TTLL4: variants seen among roughly 807,000 people sequenced by gnomAD.
The protein encoded by TTLL4 is tubulin tyrosine ligase like 4.
Under a neutral mutation model 122.7 loss-of-function variants are expected in TTLL4, and 85 were observed. The observed-to-expected ratio is 0.69, with a 90% CI of 0.58 to 0.83. The LOEUF (loss-of-function observed/expected upper bound fraction) is 0.83, where lower values mean the gene tolerates loss of function less well. Ranked by LOEUF, TTLL4 falls within the 40% of genes least tolerant of loss-of-function variation. The pLI is 0.00. For synonymous variants in TTLL4, 553 were observed against 563.0 expected (o/e 0.98, Z 0.25); for missense variants, 1,363 against 1,488.6 (o/e 0.92, Z 1.39).
chr2:218,729,106 A>G (rs760508875), intron 2 of TTLL4, among the ~76,000 whole-genome samples: 2 of 151,492 alleles, frequency 1.3e-5, no homozygotes, highest in Non-Finnish European at 2.9e-5. Context: ...TTAATTTTTT[A>G]TATTTTTAGT....
Position 218,737,831 on chromosome 2 carries a change from T to C in TTLL4, c.155T>C (p.Ile52Thr). 6.2e-7 allele frequency: 1 copy of C among 1,614,108 alleles called. No homozygotes were observed. Residue 52 changes from isoleucine to threonine, a missense_variant, in exon 3 of 20, where the codon ATC becomes ACC. Transcript: ENST00000392102. ...WPQAHQQVKP[I>T]WKLEKKQVET... ...CAGGCCCATCAGCAAGTGAAGCCAA[T>C]CTGGAAGCTGGAAAAGAAGCAAGTG...
chr2:218,722,367 T>C (rs1942069377), intron 1 of TTLL4, among the ~76,000 whole-genome samples: 1 of 151,730 alleles, frequency 6.6e-6, no homozygotes, highest in Non-Finnish European at 1.5e-5. Context: ...TTTTTTTTTT[T>C]TGAGCCAAGT....
rs1371265843 is a variant in TTLL4, at chr2:218,737,703, T to A, written c.27T>A (p.Tyr9Ter). The A allele has an allele frequency of 6.2e-7, 1 of 1,610,582 alleles. No individual in the cohort carries two copies. The highest frequency in any genetic ancestry group is 1.3e-5 in the African/African-American group (1 of 74,870). Residue 9 changes from tyrosine to a stop codon, truncating the protein, a stop_gained, in exon 3 of 20, where the codon TAT becomes TAA. Transcript: ENST00000392102. LOFTEE classifies it high-confidence loss of function. ...TGGCCTCAGCAGGAACACAGCACTATAGTATTGGCCTCCGCCAGAAAAACA... is the reference window on the plus strand; with the variant it reads ...TGGCCTCAGCAGGAACACAGCACTAAAGTATTGGCCTCCGCCAGAAAAACA... MASAGTQH[Y>*]SIGLRQKNSF... is the part of the protein sequence containing the mutation.
chr2:218,746,238 G>T lies in TTLL4; in HGVS notation c.1974+7G>T. 6.2e-7 allele frequency: 1 copy of T among 1,613,924 alleles called. No individual in the cohort carries two copies. The highest frequency in any genetic ancestry group is 8.5e-7 in the Non-Finnish European group (1 of 1,179,934). ...CATTCGAGAGCATCAGAAGGTAGGG[G>T]TCCTTTCTGAGGAGCTGTTTCCCTG... On this transcript the variant is annotated splice_region_variant and intron_variant, in intron 8 of 19. Transcript: ENST00000392102.
In TTLL4 at chr2:218,754,264, A is replaced by G; in HGVS notation, c.3475A>G (p.Ser1159Gly). 1 of 1,614,216 alleles carries G rather than the reference A, an allele frequency of 6.2e-7. No homozygotes were observed. The highest frequency in any genetic ancestry group is 8.5e-7 in the Non-Finnish European group (1 of 1,180,038). The change falls in exon 20 of 20, where the codon AGC becomes GGC. Residue 1159 changes from serine (S) to glycine (G), a missense_variant. Ser to Gly is a moderately conservative substitution (Grantham distance 56). This residue lies in a region of TTLL4 where 596 missense variants were observed against 655.8 expected (regional missense o/e 0.91). Transcript: ENST00000392102. ...TTCCTCAAAGGACAGTGAGGACACC[A>G]GCAAAGAGCCCAGCCTTTCTACCCA... ...PSSSKDSEDT[S>G]KEPSLSTQTL...
chr2:218,715,586 A>T (rs559963154), intron 1 of TTLL4, among the ~76,000 whole-genome samples: 3 of 152,148 alleles, frequency 2.0e-5, no homozygotes, highest in Admixed American at 6.6e-5. Flanking sequence ...GCATCTAAAC[A>T]TTGAAGCATA....
At chr2:218,713,098 A>G (rs1941760627) in intron 1 of TTLL4, among the ~76,000 whole-genome samples, 1 of 152,104 alleles carries the variant, frequency 6.6e-6, no homozygotes, top group Non-Finnish European at 1.5e-5. Context: ...CTATTTTAAG[A>G]CTGGGTGTTG....
chr2:218,727,381 T>A (rs1240631451), intron 2 of TTLL4, 34 bp downstream of exon 2: 1 of 152,178 alleles, frequency 6.6e-6, no homozygotes, highest in Non-Finnish European at 1.5e-5. Flanking sequence ...CTAAGATTTG[T>A]TTTAAAAATT....
rs576450795 is a variant in TTLL4 at position 218,713,708 on chromosome 2, A to G, written c.-178+2671A>G. Among the ~76,000 whole-genome samples the G allele has an allele frequency of 2.0e-5, 3 of 152,342 alleles. No homozygotes were observed. The South Asian group carries it at 6.2e-4, about 32-fold the overall frequency. On this transcript the variant is annotated intron_variant, in intron 1 of 19. Coordinates refer to ENST00000392102, the MANE Select transcript of TTLL4 (RefSeq NM_014640.5). ...ATAATTATCAGGAAAATCATGTCAG[A>G]TTTGTATTTAAGATTACTGTAGTGT...
chr2:218,747,511 A>G lies in TTLL4; in HGVS notation c.2250-86A>G. ...CTGTTCTAAGGTCTTTATCTTGGGG[A>G]CTGTTAGCTGGCTTTTCCTGTGGCT... is the stretch of plus-strand genomic sequence containing the variant. On this transcript the variant is annotated intron_variant, in intron 10 of 19. Coordinates refer to ENST00000392102, the MANE Select transcript of TTLL4 (RefSeq NM_014640.5). This position sits in a 1 kb window ranked among gnomAD's most constrained non-coding sequence, Gnocchi z 4.7. The G allele has an allele frequency of 6.3e-7, 1 of 1,579,888 alleles. No individual in the cohort carries two copies. The highest frequency in any genetic ancestry group is 8.6e-7 in the Non-Finnish European group (1 of 1,160,850).
chr2:218,737,905 C>G lies in TTLL4; in HGVS notation c.229C>G (p.Gln77Glu). 6.2e-7 allele frequency: 1 copy of G among 1,614,224 alleles called. No individual in the cohort carries two copies. Among genetic ancestry groups the G allele is most frequent in the Non-Finnish European group, 8.5e-7 (1 of 1,180,054 alleles). Residue 77 changes from glutamine to glutamate, a missense_variant, in exon 3 of 20, where the codon CAG (glutamine) becomes GAG (glutamate). By Grantham distance (29) the Gln-to-Glu change is conservative. This residue lies in a region of TTLL4 where 760 missense variants were observed against 808.4 expected (regional missense o/e 0.94). Coordinates refer to ENST00000392102, the MANE Select transcript of TTLL4 (RefSeq NM_014640.5). ...CCCAGGCCTCTTGGGCGTCCCACCC[C>G]AGCCAGCATATTTCTTTTGCCCCAG... ...LGPGLLGVPP[Q>E]PAYFFCPSTL...
chr2:218,747,238 G>C lies in TTLL4; in HGVS notation c.2166+44G>C, dbSNP rs1274160150. The C allele has an allele frequency of 6.2e-7, 1 of 1,614,116 alleles. No individual in the cohort carries two copies. The highest frequency in any genetic ancestry group is 1.7e-5 in the Admixed American group (1 of 60,016). ...GCAGGAGACTATGGTCTGTGAGTGG[G>C]AACAACAGAGTATTGGACCTGGAGC... On this transcript the variant is annotated intron_variant, in intron 9 of 19. Transcript: ENST00000392102. The surrounding 1 kb of genome is among the most constrained non-coding windows in gnomAD (Gnocchi z 4.7).
chr2:218,759,186 G>A (rs1283413315), downstream of TTLL4, among the ~76,000 whole-genome samples: 8 of 152,092 alleles, frequency 5.3e-5, no homozygotes, highest in South Asian at 8.3e-4. Flanking sequence ...AGAAGGTTGC[G>A]GTGAGCCGAG....
chr2:218,745,999 T>C (rs1942832463), intron 7 of TTLL4, 156 bp from the exon 8 acceptor site: 1 of 924,486 alleles, frequency 1.1e-6, no homozygotes, highest in Non-Finnish European at 1.7e-6. Context: ...AGGGCCATTG[T>C]TCTGTCCCTG....
intron 18 of TTLL4, 114 bp downstream of exon 18, chr2:218,753,299 G>A: frequency 8.7e-7 from 1 of 1,144,388 alleles, no homozygotes; most frequent in Non-Finnish European, 1.3e-6. Context: ...TCTCCGCTAG[G>A]CTCTGCTTCT....
At position 218,739,029 on chromosome 2, in the gene TTLL4, T is replaced by A; in HGVS notation, c.1353T>A (p.Ala451=). 1 of 1,614,126 alleles carries A rather than the reference T, an allele frequency of 6.2e-7. No individual in the cohort carries two copies. The highest frequency in any genetic ancestry group is 8.5e-7 in the Non-Finnish European group (1 of 1,180,022). The change falls in exon 3 of 20, where the codon GCT becomes GCA. Residue 451 remains alanine, a synonymous_variant. Coordinates refer to ENST00000392102, the MANE Select transcript of TTLL4 (RefSeq NM_014640.5). The part of the protein sequence containing the change: ...IDSSAFGEGK[A]PGPPFPQTLG... ...CCTCAGCATTTGGAGAAGGCAAAGC[T>A]CCAGGTCCCCCTTTTCCTCAAACTC...
At chr2:218,713,971 A>G (rs1941785911) in intron 1 of TTLL4, among the ~76,000 whole-genome samples, 1 of 152,194 alleles carries the variant, frequency 6.6e-6, no homozygotes, top group South Asian at 2.1e-4. Flanking sequence ...TTCAGTGACC[A>G]TGTGGGTGGT....
At chr2:218,751,304 TGTA>T (rs1943007989) in intron 15 of TTLL4, among the ~76,000 whole-genome samples, 1 of 152,120 alleles carries the variant, frequency 6.6e-6, no homozygotes, top group African/African-American at 2.4e-5. Flanking sequence ...TTATGGTAAT[TGTA>T]GTAATGTGGG....
intron 1 of TTLL4, among the ~76,000 whole-genome samples, chr2:218,712,030 T>TCA (rs1941724553): frequency 6.6e-6 from 1 of 151,980 alleles, no homozygotes; most frequent in Non-Finnish European, 1.5e-5. Flanking sequence ...CAGCTACTTA[T>TCA]ATTGGACTGA....
Sources: allele counts gnomAD v4.1 joint callset (sites outside exome capture counted in the v4.1 genomes callset), GRCh38; gene constraint gnomAD v4.1.1; regional missense constraint gnomAD v4.1.1; non-coding constraint Gnocchi (gnomAD v3.1); transcripts MANE v1.5; gene names NCBI Gene and HGNC (gene_info 2026-07-23, HGNC 2026-07-21).